The following SDF2 variants were observed in gnomAD, a reference collection of about 807,000 sequenced individuals.
SDF2 encodes stromal cell derived factor 2.
A neutral mutation model predicts 20.5 loss-of-function variants in SDF2; 12 were observed. The ratio of observed to expected loss-of-function variants is 0.58; its 90% CI spans 0.37 to 0.95. The LOEUF (loss-of-function observed/expected upper bound fraction) is 0.95. SDF2 is among the 40% of genes least tolerant of loss of function. The probability of loss-of-function intolerance (pLI) is 0.01; values close to 1 mark genes in which losing one functional copy is unlikely to be tolerated. For missense variants in SDF2, 238 were observed against 263.1 expected, an observed-to-expected ratio of 0.90 and a Z score of 0.66; for synonymous variants, 100 against 101.0, an observed-to-expected ratio of 0.99 and a Z score of 0.06.
chr17:28,662,029 T>C, upstream of SDF2: 1 of 821,488 alleles, frequency 1.2e-6, no homozygotes, highest in South Asian at 1.8e-5. Flanking sequence ...AGAAACCGGC[T>C]GAGCCTGGTT....
chr17:28,661,967 A>C, upstream of SDF2: 1 of 1,449,470 alleles, frequency 6.9e-7, no homozygotes. Flanking sequence ...GAGAGAAGGA[A>C]GTGAAGAAGC....
intron 1 of SDF2, among the ~76,000 whole-genome samples, chr17:28,657,385 C>T (rs549908848): frequency 2.0e-5 from 3 of 151,614 alleles, no homozygotes; most frequent in East Asian, 1.9e-4. Context: ...AGTCTCTAAA[C>T]GTACATATAT....
At chr17:28,649,320 G>C in intron 2 of SDF2, 44 bp from the exon 3 acceptor site, 1 of 1,582,126 alleles carries the variant, frequency 6.3e-7, no homozygotes, top group South Asian at 1.1e-5. Context: ...GCTGACAAGG[G>C]CTTGAAAAGG....
intron 1 of SDF2, 134 bp downstream of exon 1, chr17:28,661,592 C>T (rs2072044265): frequency 3.4e-6 from 3 of 889,738 alleles, no homozygotes; most frequent in Non-Finnish European, 5.2e-6. Context: ...AGTTCTCCGA[C>T]TCTCTAGACC....
At chr17:28,661,010 G>A (rs2151586880) in intron 1 of SDF2, 3 of 328,748 alleles carry the variant, frequency 9.1e-6, no homozygotes, top group South Asian at 2.4e-5. Flanking sequence ...TAGCCATGTA[G>A]TAGGAACTCA....
chr17:28,661,982 G>A (rs1047898476), upstream of SDF2: 12 of 1,329,440 alleles, frequency 9.0e-6, no homozygotes, highest in Non-Finnish European at 1.2e-5. Context: ...AGAAGCCCGA[G>A]TCTGATCTTT....
At position 28,661,726 on chromosome 17, in the gene SDF2, C is replaced by T; in HGVS notation, c.151G>A (p.Gly51Ser). 6.2e-7 allele frequency: 1 copy of T among 1,612,952 alleles called. No individual in the cohort carries two copies. The highest frequency in any genetic ancestry group is 1.7e-5 in the Admixed American group (1 of 59,990). ...ACCCGAGCCCGGTCCCCAGCATTAC[C>T]TGACCCATAGCGCACGTCGTGTGAG... ...LHSHDVRYGS[G>S]SGQQSVTGVT... The change falls in exon 1 of 3, where the codon GGT becomes AGT. Residue 51 changes from glycine (G) to serine (S), a missense_variant and splice_region_variant. Physicochemically the swap from Gly to Ser is moderately conservative, Grantham distance 56. Coordinates refer to ENST00000247020, the MANE Select transcript of SDF2 (RefSeq NM_006923.4).
At chr17:28,650,828 A>C (rs915584919) in intron 2 of SDF2, among the ~76,000 whole-genome samples, 1 of 151,394 alleles carries the variant, frequency 6.6e-6, no homozygotes, top group Non-Finnish European at 1.5e-5. Flanking sequence ...AAAAAAAAAA[A>C]AAACAGTTAG....
chr17:28,660,173 A>T (rs891935156), intron 1 of SDF2, among the ~76,000 whole-genome samples: 1 of 152,192 alleles, frequency 6.6e-6, no homozygotes, highest in African/African-American at 2.4e-5. Flanking sequence ...CCAGGCAGGG[A>T]GGTTGCAGCG....
At chr17:28,659,725 C>T (rs1412827173) in intron 1 of SDF2, among the ~76,000 whole-genome samples, 4 of 149,800 alleles carry the variant, frequency 2.7e-5, no homozygotes, top group South Asian at 2.1e-4. Context: ...GACGGGGTGG[C>T]GGCCGGGCAG....
rs755057695 is a variant in SDF2, at chr17:28,648,706, A to C, written c.*283T>G. The C allele has an allele frequency of 2.2e-6, 1 of 448,540 alleles. No individual in the cohort carries two copies. The highest frequency in any genetic ancestry group is 4.0e-6 in the Non-Finnish European group (1 of 248,802). 27.8% of individuals were successfully genotyped at this position (448,540 alleles called of 1,614,324 possible). ...AGTAAAAGTTTCCCAGCTAAGAGGG[A>C]TGTTTCCCTCAGTTTGTTTTATCAG... is the stretch of plus-strand genomic sequence containing the variant. On this transcript the variant is annotated 3_prime_UTR_variant, in exon 3 of 3. Coordinates refer to ENST00000247020, the MANE Select transcript of SDF2 (RefSeq NM_006923.4).
chr17:28,661,031 T>C (rs551548601), intron 1 of SDF2: 4 of 375,670 alleles, frequency 1.1e-5, no homozygotes, highest in Non-Finnish European at 1.5e-5. Context: ...TTAAGACCTA[T>C]GCTGAATGAA....
intron 1 of SDF2, among the ~76,000 whole-genome samples, chr17:28,660,294 T>C (rs996563144): frequency 5.9e-5 from 9 of 152,222 alleles, no homozygotes; most frequent in Admixed American, 2.6e-4. Context: ...CTTAAACAAT[T>C]GTTGAGGGTC....
chr17:28,655,618 G>A (rs1304527789), intron 1 of SDF2, 135 bp from the exon 2 acceptor site: 1 of 751,230 alleles, frequency 1.3e-6, no homozygotes, highest in South Asian at 1.7e-5. Context: ...CGCTGCTGGA[G>A]GTGTAATGGA....
chr17:28,648,868 T>C lies in SDF2; in HGVS notation c.*121A>G, dbSNP rs2071887400. The C allele has an allele frequency of 3.1e-6, 3 of 979,400 alleles. No homozygotes were observed. Among genetic ancestry groups the C allele is most frequent in the African/African-American group, 1.6e-5 (1 of 62,088 alleles). 60.7% of individuals were successfully genotyped at this position (979,400 alleles called of 1,614,324 possible). On this transcript the variant is annotated 3_prime_UTR_variant, in exon 3 of 3. Transcript: ENST00000247020. ...AACACAGCCACTATTTTCTGTTGTA[T>C]ATCTTCATCTCAATGGTGACATGGC... is the stretch of plus-strand genomic sequence containing the variant.
chr17:28,658,691 T>C (rs2071990148), intron 1 of SDF2, among the ~76,000 whole-genome samples: 1 of 152,122 alleles, frequency 6.6e-6, no homozygotes, highest in Admixed American at 6.6e-5. Context: ...TGATCTCTCT[T>C]TCTTTTCCCC....
intron 1 of SDF2, among the ~76,000 whole-genome samples, chr17:28,657,494 C>T (rs1238795780): frequency 1.3e-5 from 2 of 151,962 alleles, no homozygotes; most frequent in African/African-American, 4.8e-5. Context: ...ACCTCCCAGG[C>T]TCGGGTGATC....
At chr17:28,660,236 A>T (rs1310515426) in intron 1 of SDF2, among the ~76,000 whole-genome samples, 1 of 152,214 alleles carries the variant, frequency 6.6e-6, no homozygotes, top group East Asian at 1.9e-4. Flanking sequence ...GAGACCGTGG[A>T]AAGAGAGAAG....
At chr17:28,654,143 T>C (rs2071936117) in intron 2 of SDF2, among the ~76,000 whole-genome samples, 1 of 151,770 alleles carries the variant, frequency 6.6e-6, no homozygotes, top group Non-Finnish European at 1.5e-5. Flanking sequence ...AAACCCCGTA[T>C]CTACCAAAAA....
Sources: gnomAD v4.1 joint callset for allele counts (sites outside exome capture counted in the v4.1 genomes callset) on GRCh38, gnomAD v4.1.1 for gene constraint, MANE v1.5 for transcripts, NCBI Gene and HGNC (gene_info 2026-07-23, HGNC 2026-07-21) for gene names.